CFAP61: variants seen among roughly 807,000 people sequenced by gnomAD.
CFAP61 encodes cilia- and flagella-associated protein 61.
Under a neutral mutation model 135.6 loss-of-function variants are expected in CFAP61, and 107 were observed. That is an observed-to-expected ratio of 0.79 (90% confidence interval 0.67 to 0.93). The LOEUF is 0.93. CFAP61 is among the 40% of genes least tolerant of loss of function. CFAP61 has a pLI of 0.00. For missense variants in CFAP61, 1,507 were observed against 1,556.2 expected, an observed-to-expected ratio of 0.97 and a Z score of 0.53; for synonymous variants, 575 against 578.5, an observed-to-expected ratio of 0.99 and a Z score of 0.09.
chr20:20,298,688 C>A (rs2055831142), intron 25 of CFAP61, among the ~76,000 whole-genome samples: 1 of 152,314 alleles, frequency 6.6e-6, no homozygotes, highest in Non-Finnish European at 1.5e-5. Flanking sequence ...CCACACGGGG[C>A]TGCTAAGAGC....
chr20:20,334,342 G>C (rs1302312551), intron 25 of CFAP61, among the ~76,000 whole-genome samples: 2 of 152,130 alleles, frequency 1.3e-5, no homozygotes, highest in African/African-American at 4.8e-5. Flanking sequence ...GGCCAGGCTG[G>C]TCTCGAACTC....
At chr20:20,160,101 T>C (rs2053271594) in intron 10 of CFAP61, among the ~76,000 whole-genome samples, 1 of 152,210 alleles carries the variant, frequency 6.6e-6, no homozygotes, top group African/African-American at 2.4e-5. Context: ...CTGCTCAGGA[T>C]CTCAGACTTT....
rs188337912 is a variant in CFAP61, at chr20:20,250,342, C to T, written c.2160-1253C>T. Among the ~76,000 whole-genome samples, 66 of 152,300 alleles carry T rather than the reference C, an allele frequency of 4.3e-4. No homozygotes were observed. In the East Asian group the frequency reaches 8.7e-3, roughly 20 times the overall value. On this transcript the variant is annotated intron_variant, in intron 19 of 26. Transcript: ENST00000245957. ...CTTATAGCGGTCAGCAGTGGAGGAACGTAGGGAGAGCTCATTACCCTGTGT... is the reference window on the plus strand; with the variant it reads ...CTTATAGCGGTCAGCAGTGGAGGAATGTAGGGAGAGCTCATTACCCTGTGT...
At chr20:20,179,957 G>A (rs1187879809) in intron 13 of CFAP61, among the ~76,000 whole-genome samples, 1 of 152,144 alleles carries the variant, frequency 6.6e-6, no homozygotes, top group Non-Finnish European at 1.5e-5. Context: ...TCTGGACATA[G>A]GAATGGGCAA....
intron 25 of CFAP61, among the ~76,000 whole-genome samples, chr20:20,307,222 A>G (rs1321868439): frequency 6.6e-6 from 1 of 152,184 alleles, no homozygotes; most frequent in East Asian, 1.9e-4. Flanking sequence ...AAAGGACACT[A>G]GACTAAGACC....
intron 13 of CFAP61, among the ~76,000 whole-genome samples, chr20:20,170,964 C>A (rs906704498): frequency 1.3e-5 from 2 of 152,074 alleles, no homozygotes; most frequent in African/African-American, 4.8e-5. Context: ...TCACAGTGAC[C>A]TAATTAGTTA....
At chr20:20,223,910 T>C (rs892317088) in intron 17 of CFAP61, among the ~76,000 whole-genome samples, 4 of 152,234 alleles carry the variant, frequency 2.6e-5, no homozygotes, top group Non-Finnish European at 4.4e-5. Flanking sequence ...GATTATTCAT[T>C]TGGCCATTTA....
At chr20:20,093,845 G>A (rs1262795386) in intron 7 of CFAP61, among the ~76,000 whole-genome samples, 2 of 151,924 alleles carry the variant, frequency 1.3e-5, no homozygotes, top group African/African-American at 2.4e-5. Flanking sequence ...TTTTGGGGGT[G>A]AGACACAATC....
intron 18 of CFAP61, among the ~76,000 whole-genome samples, chr20:20,244,539 G>C (rs527264537): frequency 6.6e-6 from 1 of 152,228 alleles, no homozygotes; most frequent in Non-Finnish European, 1.5e-5. Flanking sequence ...AGGGCACCAA[G>C]TCCCTACACT....
chr20:20,196,567 T>C lies in CFAP61; in HGVS notation c.1591-3T>C, dbSNP rs762396154. ...GAAACCATCCCTTCTGTCTCTTCTG[T>C]AGGACATTGAGTACATACGGTCCCA... On this transcript the variant is annotated splice_region_variant and splice_polypyrimidine_tract_variant and intron_variant, in intron 15 of 26. Transcript: ENST00000245957. The C allele has an allele frequency of 2.5e-6, 4 of 1,607,640 alleles. No individual in the cohort carries two copies. The highest frequency in any genetic ancestry group is 3.4e-6 in the Non-Finnish European group (4 of 1,174,070).
intron 19 of CFAP61, among the ~76,000 whole-genome samples, chr20:20,251,381 C>A (rs1234555870): frequency 6.8e-6 from 1 of 147,598 alleles, no homozygotes; most frequent in Non-Finnish European, 1.5e-5. Context: ...TGTGGGCTGA[C>A]CTAAGCCAGG....
chr20:20,062,092 G>A (rs933757033), intron 2 of CFAP61, among the ~76,000 whole-genome samples: 20 of 152,074 alleles, frequency 1.3e-4, no homozygotes, highest in Non-Finnish European at 2.4e-4. Context: ...AGGCCATATC[G>A]TAAGAGAGAA....
chr20:20,351,392 C>A (rs2058828451), intron 26 of CFAP61, among the ~76,000 whole-genome samples: 1 of 151,788 alleles, frequency 6.6e-6, no homozygotes, highest in African/African-American at 2.4e-5. Context: ...ACCAGCCTGG[C>A]CAACATGGTG....
At chr20:20,265,130 C>T (rs2052602578) in intron 21 of CFAP61, among the ~76,000 whole-genome samples, 1 of 152,104 alleles carries the variant, frequency 6.6e-6, no homozygotes, top group Non-Finnish European at 1.5e-5. Flanking sequence ...CCAAATGTAC[C>T]ATAAGTTCCC....
chr20:20,296,026 C>G (rs2055428317), intron 24 of CFAP61, among the ~76,000 whole-genome samples: 1 of 82,566 alleles, frequency 1.2e-5, no homozygotes. Context: ...TTCCTTCCTT[C>G]TTTCTTTTCT....
intron 19 of CFAP61, among the ~76,000 whole-genome samples, chr20:20,247,451 C>T (rs193019684): frequency 6.6e-6 from 1 of 152,370 alleles, no homozygotes; most frequent in Admixed American, 6.5e-5. Flanking sequence ...CTCAGCACAG[C>T]AGCCAGAGCA....
chr20:20,331,167 C>G (rs1010975919), intron 25 of CFAP61, among the ~76,000 whole-genome samples: 6 of 152,162 alleles, frequency 3.9e-5, no homozygotes, highest in Non-Finnish European at 5.9e-5. Flanking sequence ...TAGCATCCTA[C>G]TGTAAGGAAG....
chr20:20,291,686 C>A (rs556007535), intron 24 of CFAP61, among the ~76,000 whole-genome samples: 5 of 152,268 alleles, frequency 3.3e-5, no homozygotes, highest in African/African-American at 9.6e-5. Flanking sequence ...GCCATGGAGA[C>A]CCCACTGTTT....
At chr20:20,266,073 G>A (rs761984503) in intron 21 of CFAP61, among the ~76,000 whole-genome samples, 4 of 152,220 alleles carry the variant, frequency 2.6e-5, no homozygotes, top group African/African-American at 4.8e-5. Flanking sequence ...GTAGGATCCA[G>A]TGTGAGAGGA....
Sources: allele counts gnomAD v4.1 joint callset (sites outside exome capture counted in the v4.1 genomes callset), GRCh38; gene constraint gnomAD v4.1.1; transcripts MANE v1.5; gene names NCBI Gene and HGNC (gene_info 2026-07-23, HGNC 2026-07-21).